The following CDC42BPA variants were observed in gnomAD, a reference collection of about 807,000 sequenced individuals.
CDC42BPA encodes serine/threonine-protein kinase MRCK alpha.
CDC42BPA carries 80 observed loss-of-function variants against 223.5 expected under a neutral mutation model. That is an observed-to-expected ratio of 0.36 (90% CI 0.30 to 0.43). CDC42BPA has a LOEUF of 0.43. CDC42BPA is among the 20% of genes least tolerant of loss of function. The pLI, the probability that CDC42BPA is intolerant of heterozygous loss-of-function variation, is 1.00. For missense variants in CDC42BPA, 1,743 were observed against 2,099.9 expected, an observed-to-expected ratio of 0.83 and a Z score of 3.32; for synonymous variants, 694 against 718.6, an observed-to-expected ratio of 0.97 and a Z score of 0.55.
intron 1 of CDC42BPA, among the ~76,000 whole-genome samples, chr1:227,265,396 G>A (rs1264586351): frequency 2.0e-5 from 3 of 152,090 alleles, no homozygotes; most frequent in East Asian, 1.9e-4. Context: ...AGTACAGTAC[G>A]TGGGGCATAA....
intron 35 of CDC42BPA, among the ~76,000 whole-genome samples, chr1:226,997,069 T>C (rs1661765337): frequency 6.6e-6 from 1 of 152,246 alleles, no homozygotes; most frequent in Admixed American, 6.5e-5. Flanking sequence ...AGAATTCGGC[T>C]GTGAATCTGC....
chr1:227,096,961 A>C (rs1188268722), intron 15 of CDC42BPA, among the ~76,000 whole-genome samples: 4 of 152,286 alleles, frequency 2.6e-5, no homozygotes, highest in African/African-American at 9.6e-5. Flanking sequence ...CTCAACACAC[A>C]GACAAGTTCC....
At chr1:227,000,057 C>T (rs1356963833) in intron 35 of CDC42BPA, among the ~76,000 whole-genome samples, 2 of 151,096 alleles carry the variant, frequency 1.3e-5, no homozygotes, top group African/African-American at 4.9e-5. Flanking sequence ...ATGTAACAAA[C>T]CTGCATGTTC....
chr1:227,085,085 T>A (rs1017842844), intron 16 of CDC42BPA, among the ~76,000 whole-genome samples: 1 of 152,140 alleles, frequency 6.6e-6, no homozygotes, highest in Non-Finnish European at 1.5e-5. Flanking sequence ...CTCCTGGGTC[T>A]CCAGCTTGCC....
intron 3 of CDC42BPA, among the ~76,000 whole-genome samples, chr1:227,211,778 G>A (rs73094351): frequency 0.16 from 23,494 of 150,552 alleles, 2,241 homozygotes; most frequent in African/African-American, 0.26. Flanking sequence ...GGGAGGGTGG[G>A]AAGGGGGTGA....
intron 5 of CDC42BPA, among the ~76,000 whole-genome samples, chr1:227,190,809 G>A (rs549639768): frequency 3.0e-4 from 45 of 152,230 alleles, no homozygotes; most frequent in Non-Finnish European, 2.6e-4. Flanking sequence ...ACACAATGGA[G>A]CATCCACAGA....
At chr1:227,147,251 A>G in intron 7 of CDC42BPA, 108 bp downstream of exon 7, 3 of 708,452 alleles carry the variant, frequency 4.2e-6, no homozygotes, top group Non-Finnish European at 6.9e-6. Flanking sequence ...ATACTAGGAT[A>G]GAAATGTGAT....
chr1:227,229,621 T>C (rs1289206801), intron 2 of CDC42BPA, among the ~76,000 whole-genome samples: 2 of 152,198 alleles, frequency 1.3e-5, no homozygotes, highest in Non-Finnish European at 2.9e-5. Context: ...AAAAATATTG[T>C]CTTCAAATCC....
intron 1 of CDC42BPA, among the ~76,000 whole-genome samples, chr1:227,297,963 CAT>C (rs1553440424): frequency 1.4e-5 from 2 of 138,130 alleles, no homozygotes; most frequent in Non-Finnish European, 3.1e-5. Flanking sequence ...TGTATATATA[CAT>C]ATACACACAC....
chr1:227,026,221 G>T, intron 30 of CDC42BPA, 69 bp from the exon 31 acceptor site: 1 of 808,074 alleles, frequency 1.2e-6, no homozygotes, highest in South Asian at 1.6e-5. Context: ...ATTTTGAAAG[G>T]TCTACACTAA....
chr1:227,176,495 T>G (rs1666985354), intron 5 of CDC42BPA, among the ~76,000 whole-genome samples: 1 of 152,206 alleles, frequency 6.6e-6, no homozygotes, highest in African/African-American at 2.4e-5. Context: ...AAATTTTATA[T>G]AAATTCTCCC....
intron 5 of CDC42BPA, among the ~76,000 whole-genome samples, chr1:227,191,662 C>G (rs1669724598): frequency 6.6e-6 from 1 of 150,550 alleles, no homozygotes; most frequent in South Asian, 2.1e-4. Context: ...GCCTAAGACT[C>G]TATGTTTAGT....
At chr1:227,281,391 T>C (rs1026752270) in intron 1 of CDC42BPA, among the ~76,000 whole-genome samples, 4 of 152,074 alleles carry the variant, frequency 2.6e-5, no homozygotes, top group African/African-American at 9.7e-5. Context: ...CCTAAAGGGA[T>C]TACCAGGCCC....
At chr1:227,274,116 G>A (rs1686521381) in intron 1 of CDC42BPA, among the ~76,000 whole-genome samples, 1 of 150,520 alleles carries the variant, frequency 6.6e-6, no homozygotes, top group South Asian at 2.1e-4. Context: ...CAATTCCGTA[G>A]TATATATCTC....
chr1:227,313,179 A>C lies in CDC42BPA; in HGVS notation c.178+3826T>G, dbSNP rs183686485. On this transcript the variant is annotated intron_variant, in intron 1 of 36. Coordinates refer to ENST00000366766, the MANE Select transcript of CDC42BPA (RefSeq NM_001394014.1). ...CATAATATAAAAGGGTGATGTTCCTAAAAACAAAAAAATTACTAATGAACA... is the reference window on the plus strand; with the variant it reads ...CATAATATAAAAGGGTGATGTTCCTCAAAACAAAAAAATTACTAATGAACA... Among the ~76,000 whole-genome samples, 96 of 152,292 alleles carry C rather than the reference A, an allele frequency of 6.3e-4. 2 individuals are homozygous for C. The highest frequency in any genetic ancestry group is 6.2e-3 in the Admixed American group (95 of 15,294).
At chr1:227,233,055 G>A (rs776426519) in intron 2 of CDC42BPA, among the ~76,000 whole-genome samples, 6 of 152,338 alleles carry the variant, frequency 3.9e-5, no homozygotes, top group Admixed American at 2.6e-4. Context: ...GGGACCCTCC[G>A]AGCCAGGTGC....
intron 30 of CDC42BPA, among the ~76,000 whole-genome samples, chr1:227,028,349 G>C (rs768706461): frequency 2.0e-5 from 3 of 152,060 alleles, no homozygotes; most frequent in African/African-American, 7.2e-5. Flanking sequence ...ACCATATTTT[G>C]GGGGACCATG....
chr1:227,288,629 G>A (rs1208974728), intron 1 of CDC42BPA, among the ~76,000 whole-genome samples: 1 of 151,784 alleles, frequency 6.6e-6, no homozygotes, highest in African/African-American at 2.4e-5. Flanking sequence ...CCGGGAGGCG[G>A]GGGTTGCAGT....
intron 35 of CDC42BPA, among the ~76,000 whole-genome samples, chr1:227,001,211 C>A (rs757708769): frequency 3.3e-5 from 5 of 152,234 alleles, no homozygotes; most frequent in Non-Finnish European, 5.9e-5. Flanking sequence ...CCTCTCTTGG[C>A]TGGCTGTCCT....
Sources: allele counts gnomAD v4.1 joint callset (sites outside exome capture counted in the v4.1 genomes callset), GRCh38; gene constraint gnomAD v4.1.1; transcripts MANE v1.5; gene names NCBI Gene and HGNC (gene_info 2026-07-23, HGNC 2026-07-21).